Variants in CECR2 observed in about 807,000 individuals in gnomAD.
The protein encoded by CECR2 is chromatin remodeling regulator CECR2.
In CECR2, 30 loss-of-function variants were observed where a neutral mutation model predicts 154.5. The ratio of observed to expected loss-of-function variants is 0.19; its 90% confidence interval spans 0.15 to 0.26. The LOEUF (loss-of-function observed/expected upper bound fraction) is 0.26, where lower values mean the gene tolerates loss of function less well. Ranked by LOEUF, CECR2 falls within the 10% of genes least tolerant of loss-of-function variation. The pLI, the probability that CECR2 is intolerant of heterozygous loss-of-function variation, is 1.00. For missense variants in CECR2, 1,743 were observed against 1,829.3 expected, an observed-to-expected ratio of 0.95 and a Z score of 0.86; for synonymous variants, 725 against 683.7, an observed-to-expected ratio of 1.06 and a Z score of -0.94.
At chr22:17,480,310 A>G (rs145472779) in intron 2 of CECR2, among the ~76,000 whole-genome samples, 20 of 152,246 alleles carry the variant, frequency 1.3e-4, no homozygotes, top group African/African-American at 3.9e-4. Flanking sequence ...TCTGTGGGTC[A>G]GGAACCTGGA....
intron 16 of CECR2, among the ~76,000 whole-genome samples, chr22:17,545,486 A>AG (rs559212186): frequency 1.4e-4 from 21 of 152,210 alleles, no homozygotes; most frequent in African/African-American, 4.6e-4. Context: ...TCTAGGATAA[A>AG]TATCTAGCAT....
chr22:17,416,194 T>G (rs2054154533), intron 1 of CECR2, among the ~76,000 whole-genome samples: 2 of 152,224 alleles, frequency 1.3e-5, no homozygotes, highest in South Asian at 4.1e-4. Flanking sequence ...TTCGCATATA[T>G]AGAGTTCAAA....
Position 17,389,112 on chromosome 22 carries a change from C to A in CECR2, c.126+19203C>A, listed in dbSNP as rs564538717. On this transcript the variant is annotated intron_variant, in intron 1 of 18. Coordinates refer to ENST00000262608, the MANE Select transcript of CECR2 (RefSeq NM_001290047.2). ...TACAGGTGTGAGCCACTGCGCCCGGCCTTAAAAACTTTATTTTTAAGTAAT... is the reference window on the plus strand; with the variant it reads ...TACAGGTGTGAGCCACTGCGCCCGGACTTAAAAACTTTATTTTTAAGTAAT... Among the ~76,000 whole-genome samples, 6 of 152,208 alleles carry A rather than the reference C, an allele frequency of 3.9e-5. No homozygotes were observed. The South Asian group carries it at 1.2e-3, about 32-fold the overall frequency.
At position 17,542,513 on chromosome 22, in the gene CECR2, G is replaced by A. The variant is rs1256650859; in HGVS notation, c.2370G>A (p.Glu790=). 1 of 1,613,980 alleles carries A rather than the reference G, an allele frequency of 6.2e-7. No individual in the cohort carries two copies. The highest frequency in any genetic ancestry group is 8.5e-7 in the Non-Finnish European group (1 of 1,179,878). ...ACCAAGGACCCTTGGGCCCAGATGA[G>A]AAGCCCCACCTGGGGCCAGGACCCT... ...ATNQGPLGPD[E]KPHLGPGPSH... Residue 790 remains glutamate, a synonymous_variant, in exon 16 of 19, where the codon GAG becomes GAA. Coordinates refer to ENST00000262608, the MANE Select transcript of CECR2 (RefSeq NM_001290047.2).
chr22:17,396,161 G>C (rs774080613), intron 1 of CECR2, among the ~76,000 whole-genome samples: 1 of 150,804 alleles, frequency 6.6e-6, no homozygotes, highest in Non-Finnish European at 1.5e-5. Context: ...AGGATTGCTT[G>C]AGCCCAGGAG....
chr22:17,381,904 T>G (rs933453830), intron 1 of CECR2, among the ~76,000 whole-genome samples: 2 of 151,788 alleles, frequency 1.3e-5, no homozygotes, highest in African/African-American at 4.8e-5. Flanking sequence ...TTTGTTTTTT[T>G]TGAGACGGAG....
At chr22:17,520,172 A>C (rs2056132353) in intron 8 of CECR2, among the ~76,000 whole-genome samples, 1 of 152,206 alleles carries the variant, frequency 6.6e-6, no homozygotes, top group Admixed American at 6.5e-5. Flanking sequence ...AAAATGTTAG[A>C]TTCTATTTAA....
intron 1 of CECR2, among the ~76,000 whole-genome samples, chr22:17,372,553 G>A (rs2146442095): frequency 6.6e-6 from 1 of 152,150 alleles, no homozygotes; most frequent in South Asian, 2.1e-4. Context: ...TGTAATCCCA[G>A]TTACATCCGT....
intron 1 of CECR2, among the ~76,000 whole-genome samples, chr22:17,433,170 A>G (rs994196220): frequency 6.6e-6 from 1 of 152,202 alleles, no homozygotes; most frequent in Non-Finnish European, 1.5e-5. Context: ...TTCTGGTTAA[A>G]GTCAGTATGT....
At chr22:17,516,145 C>T (rs2056049629) in intron 8 of CECR2, among the ~76,000 whole-genome samples, 1 of 151,978 alleles carries the variant, frequency 6.6e-6, no homozygotes, top group Admixed American at 6.6e-5. Context: ...GAAGTCACTA[C>T]TCAGGAGCTT....
chr22:17,557,794 C>T lies in CECR2; in HGVS notation c.*4954C>T, dbSNP rs1251525868. ...TCCTTTCCCTTCCCTAGCCAGGGCT[C>T]AGGTACCTCACTCTCCTGCCTTGTG... On this transcript the variant is annotated 3_prime_UTR_variant, in exon 19 of 19. Coordinates refer to ENST00000262608, the MANE Select transcript of CECR2 (RefSeq NM_001290047.2). The T allele has an allele frequency of 6.6e-6, 1 of 152,146 alleles. No individual in the cohort carries two copies. The highest frequency in any genetic ancestry group is 1.5e-5 in the Non-Finnish European group (1 of 68,050). The allele number at this position is 152,146 out of a possible 1,614,324, so 9.4% of individuals were successfully genotyped here.
chr22:17,441,664 A>G (rs1051140515), intron 1 of CECR2, among the ~76,000 whole-genome samples: 2 of 151,526 alleles, frequency 1.3e-5, no homozygotes, highest in Admixed American at 6.6e-5. Context: ...CCAGAGGATA[A>G]TAAGTTATCT....
upstream of CECR2, among the ~76,000 whole-genome samples, chr22:17,368,639 C>A (rs144377044): frequency 1.3e-5 from 2 of 152,174 alleles, no homozygotes; most frequent in Non-Finnish European, 2.9e-5. Context: ...GAGCACAGTC[C>A]CCGGCTTCCC....
chr22:17,379,249 C>T (rs981951340), intron 1 of CECR2, among the ~76,000 whole-genome samples: 5 of 152,218 alleles, frequency 3.3e-5, no homozygotes, highest in African/African-American at 7.2e-5. Context: ...GAGCCCCCCG[C>T]GCCTGGCATT....
At chr22:17,441,412 G>A (rs1450493818) in intron 1 of CECR2, among the ~76,000 whole-genome samples, 2 of 152,200 alleles carry the variant, frequency 1.3e-5, no homozygotes, top group African/African-American at 2.4e-5. Context: ...TTAACACAGA[G>A]CCCTTCAATT....
intron 1 of CECR2, among the ~76,000 whole-genome samples, chr22:17,396,404 G>C (rs1363032885): frequency 6.6e-6 from 1 of 152,164 alleles, no homozygotes; most frequent in Non-Finnish European, 1.5e-5. Context: ...AAATTAGCTG[G>C]GTGTGGTGGT....
intron 18 of CECR2, 68 bp downstream of exon 18, chr22:17,552,210 C>A: frequency 2.2e-6 from 3 of 1,388,656 alleles, no homozygotes; most frequent in African/African-American, 1.4e-5. Context: ...ATATGACAAC[C>A]TTGCTGTTCT....
chr22:17,530,846 G>A (rs755709326), intron 9 of CECR2, among the ~76,000 whole-genome samples: 41 of 152,246 alleles, frequency 2.7e-4, no homozygotes, highest in Middle Eastern at 6.8e-3. Flanking sequence ...GAACCTTGAA[G>A]GTATTACACG....
chr22:17,504,076 A>AAATAAATAAATAAAAT (rs1360099960), intron 6 of CECR2, among the ~76,000 whole-genome samples: 1 of 144,234 alleles, frequency 6.9e-6, no homozygotes, highest in African/African-American at 2.5e-5. Flanking sequence ...ATAAATAAAT[A>AAATAAATAAATAAAAT]AAATTTAAAA....
Sources: gnomAD v4.1 joint callset for allele counts (sites outside exome capture counted in the v4.1 genomes callset) on GRCh38, gnomAD v4.1.1 for gene constraint, MANE v1.5 for transcripts, NCBI Gene and HGNC (gene_info 2026-07-23, HGNC 2026-07-21) for gene names.